Variants in PSMC5 observed in about 807,000 individuals in gnomAD.
PSMC5 encodes 26S proteasome regulatory subunit 8.
In PSMC5, 11 loss-of-function variants were observed where a neutral mutation model predicts 49.1. That is an observed-to-expected ratio of 0.22 (90% CI 0.14 to 0.37). PSMC5 has a LOEUF of 0.37. Ranked by LOEUF, PSMC5 falls within the 10% of genes least tolerant of loss-of-function variation. PSMC5 has a pLI of 1.00. For missense variants in PSMC5, 229 were observed against 520.9 expected, an observed-to-expected ratio of 0.44 and a Z score of 5.45; for synonymous variants, 206 against 192.2, an observed-to-expected ratio of 1.07 and a Z score of -0.59.
rs754834783 is a variant in PSMC5, at chr17:63,831,526, G to C, written c.990G>C (p.Lys330Asn). 1.2e-6 allele frequency: 2 copies of C among 1,614,150 alleles called. No individual in the cohort carries two copies. The highest frequency in any genetic ancestry group is 1.7e-6 in the Non-Finnish European group (2 of 1,180,040). Reference protein sequence around the residue: ...PNEEARLDILKIHSRKMNLTR... With the variant: ...PNEEARLDILNIHSRKMNLTR... Reference sequence around the variant, plus strand: ...TCCAGGCCCGGCTGGACATTTTGAAGATTCATTCTCGGAAGATGAACCTGA... The same window carrying C: ...TCCAGGCCCGGCTGGACATTTTGAACATTCATTCTCGGAAGATGAACCTGA... The change falls in exon 10 of 12, where the codon AAG becomes AAC. Residue 330 changes from lysine to asparagine, a missense_variant. Lys to Asn is a moderately conservative substitution (Grantham distance 94, BLOSUM62 0). Transcript: ENST00000310144. This position sits in a 1 kb window ranked among gnomAD's most constrained non-coding sequence, Gnocchi z 6.3.
chr17:63,829,601 TTGTC>T, intron 3 of PSMC5, 38 bp downstream of exon 3: 2 of 1,542,166 alleles, frequency 1.3e-6, no homozygotes, highest in Non-Finnish European at 1.8e-6. Context: ...TGTGGGCAGT[TTGTC>T]TGAGGTCTGT....
chr17:63,829,552 T>G lies in PSMC5; in HGVS notation c.155T>G (p.Leu52Arg). 6.4e-7 allele frequency: 1 copy of G among 1,554,494 alleles called. No individual in the cohort carries two copies. The part of the protein sequence containing the change: ...LRRLQAQRNE[L>R]NAKVRLLREE... Reference sequence around the variant, plus strand: ...AGGCTGCAGGCACAGAGGAACGAACTAAATGCTAAAGGTGAGTGGAGAAAG... The same window carrying G: ...AGGCTGCAGGCACAGAGGAACGAACGAAATGCTAAAGGTGAGTGGAGAAAG... Residue 52 changes from leucine to arginine, a missense_variant, in exon 3 of 12, where the codon CTA becomes CGA. Physicochemically the swap from Leu to Arg is moderately radical, Grantham distance 102 (BLOSUM62 -2). Coordinates refer to ENST00000310144, the MANE Select transcript of PSMC5 (RefSeq NM_002805.6).
intron 1 of PSMC5, chr17:63,827,929 C>G: frequency 7.4e-7 from 1 of 1,346,964 alleles, no homozygotes. Context: ...ATGAGGTAGG[C>G]GGCGTTCCCA....
rs750159911 is a variant in PSMC5 at position 63,831,426 on chromosome 17, G to A, written c.969+1G>A. On this transcript the variant is annotated splice_donor_variant, in intron 9 of 11. Transcript: ENST00000310144. LOFTEE classifies it high-confidence loss of function. The surrounding 1 kb of genome is among the most constrained non-coding windows in gnomAD (Gnocchi z 6.3). ...TGAATTCCCACCCCCCAATGAGGAG[G>A]TTTGTGATGGACACTGTGCAAAGTG... 6.2e-7 allele frequency: 1 copy of A among 1,613,818 alleles called. No individual in the cohort carries two copies. Among genetic ancestry groups the A allele is most frequent in the African/African-American group, 1.3e-5 (1 of 75,036 alleles).
chr17:63,827,941 T>C (rs1598352883), intron 1 of PSMC5, 197 bp from the exon 2 acceptor site: 1 of 1,321,262 alleles, frequency 7.6e-7, no homozygotes, highest in South Asian at 1.5e-5. Flanking sequence ...GCGTTCCCAT[T>C]CTTTTATTTT....
At position 63,830,782 on chromosome 17, in the gene PSMC5, G is replaced by A. The variant is rs958387934; in HGVS notation, c.553-27G>A. On this transcript the variant is annotated intron_variant, in intron 6 of 11. Coordinates refer to ENST00000310144, the MANE Select transcript of PSMC5 (RefSeq NM_002805.6). The surrounding 1 kb of genome is among the most constrained non-coding windows in gnomAD (Gnocchi z 4.0). The stretch of plus-strand genomic sequence containing the variant: ...AATGAAATGAGGGGTGTAGCTTTCT[G>A]CCCTGAGTCCTGCTGTTCCCCTGTA... The A allele has an allele frequency of 6.2e-7, 1 of 1,613,150 alleles. No homozygotes were observed. The highest frequency in any genetic ancestry group is 8.5e-7 in the Non-Finnish European group (1 of 1,179,614).
rs1031304573 is a variant in PSMC5 at position 63,831,419 on chromosome 17, T to C, written c.963T>C (p.Asn321=). The part of the protein sequence containing the change: ...IDRKIEFPPP[N]EEARLDILKI... ...GAAAAATTGAATTCCCACCCCCCAATGAGGAGGTTTGTGATGGACACTGTG... is the reference window on the plus strand; with the variant it reads ...GAAAAATTGAATTCCCACCCCCCAACGAGGAGGTTTGTGATGGACACTGTG... Residue 321 remains asparagine, a synonymous_variant, in exon 9 of 12, where the codon AAT becomes AAC. Transcript: ENST00000310144. The surrounding 1 kb of genome is among the most constrained non-coding windows in gnomAD (Gnocchi z 6.3). The C allele has an allele frequency of 8.1e-6, 13 of 1,613,546 alleles. No homozygotes were observed. Among genetic ancestry groups the C allele is most frequent in the East Asian group, 2.2e-5 (1 of 44,862 alleles).
Position 63,829,952 on chromosome 17 carries a change from A to G in PSMC5, c.264+3A>G. ...ATAAGAAGAAAGTGTTGGTCAAGGTAAAAGCAGCATGACCCCAGGGACCAG... is the reference window on the plus strand; with the variant it reads ...ATAAGAAGAAAGTGTTGGTCAAGGTGAAAGCAGCATGACCCCAGGGACCAG... On this transcript the variant is annotated splice_donor_region_variant and intron_variant, in intron 4 of 11. Transcript: ENST00000310144. 6.2e-7 allele frequency: 1 copy of G among 1,606,930 alleles called. No homozygotes were observed. The highest frequency in any genetic ancestry group is 8.5e-7 in the Non-Finnish European group (1 of 1,176,332).
rs1268343875 is a variant in PSMC5 at position 63,827,459 on chromosome 17, C to T, written c.-32C>T. 5 of 1,551,706 alleles carry T rather than the reference C, an allele frequency of 3.2e-6. No individual in the cohort carries two copies. Among genetic ancestry groups the T allele is most frequent in the Admixed American group, 3.9e-5 (2 of 51,010 alleles). ...TCCGCGCTTGCGCGCCAAGACGGCT[C>T]GGATGCCGGCGGTCTCTGCTGAAGA... is the stretch of plus-strand genomic sequence containing the variant. On this transcript the variant is annotated 5_prime_UTR_variant, in exon 1 of 12. Transcript: ENST00000310144.
chr17:63,829,727 A>G, intron 3 of PSMC5, 125 bp from the exon 4 acceptor site: 1 of 1,247,620 alleles, frequency 8.0e-7, no homozygotes, highest in South Asian at 1.3e-5. Context: ...AGCCTCCTTA[A>G]ATACATGAAT....
Position 63,827,455 on chromosome 17 carries a change from G to C in PSMC5, c.-36G>C, listed in dbSNP as rs1002537783. 4.5e-6 allele frequency: 7 copies of C among 1,551,634 alleles called. No homozygotes were observed. The highest frequency in any genetic ancestry group is 6.1e-6 in the Non-Finnish European group (7 of 1,147,014). On this transcript the variant is annotated 5_prime_UTR_variant, in exon 1 of 12. Transcript: ENST00000310144. ...CGCTTCCGCGCTTGCGCGCCAAGAC[G>C]GCTCGGATGCCGGCGGTCTCTGCTG...
Position 63,830,255 on chromosome 17 carries a change from C to G in PSMC5, c.322-16C>G, listed in dbSNP as rs756814483. On this transcript the variant is annotated splice_polypyrimidine_tract_variant and intron_variant, in intron 5 of 11. Coordinates refer to ENST00000310144, the MANE Select transcript of PSMC5 (RefSeq NM_002805.6). The surrounding 1 kb of genome is among the most constrained non-coding windows in gnomAD (Gnocchi z 4.0). ...CTCTTACTGTACCACTTCTGAAACT[C>G]GCCCCCTTCACCCAGGTGACACCCA... The G allele has an allele frequency of 3.7e-6, 6 of 1,613,924 alleles. No homozygotes were observed. The highest frequency in any genetic ancestry group is 4.2e-6 in the Non-Finnish European group (5 of 1,180,004).
At chr17:63,827,803 C>T in intron 1 of PSMC5, 1 of 1,429,358 alleles carries the variant, frequency 7.0e-7, no homozygotes, top group Non-Finnish European at 9.1e-7. Flanking sequence ...AGTCCTTTGG[C>T]TCCGTTCCGC....
rs761818702 is a variant in PSMC5 at position 63,830,187 on chromosome 17, G to T, written c.319G>T (p.Asp107Tyr). ...VDVDKNIDIN[D>Y]VTPNCRVALR... ...CGTGGACAAAAACATTGACATCAAT[G>T]ATGTGAGTGTAGCAGGTGAGGTGGT... Residue 107 changes from aspartate to tyrosine, a missense_variant and splice_region_variant, in exon 5 of 12, where the codon GAT becomes TAT. This residue lies in a region of PSMC5 where 98 missense variants were observed against 144.0 expected (regional missense o/e 0.68). Coordinates refer to ENST00000310144, the MANE Select transcript of PSMC5 (RefSeq NM_002805.6). The surrounding 1 kb of genome is among the most constrained non-coding windows in gnomAD (Gnocchi z 4.0). 2.5e-6 allele frequency: 4 copies of T among 1,614,190 alleles called. No homozygotes were observed. Among genetic ancestry groups the T allele is most frequent in the Non-Finnish European group, 3.4e-6 (4 of 1,180,030 alleles).
intron 2 of PSMC5, chr17:63,828,970 G>A (rs966707198): frequency 6.5e-6 from 1 of 153,734 alleles, no homozygotes; most frequent in Non-Finnish European, 1.4e-5. Context: ...AAGTGCATTT[G>A]CAGGTATTAT....
In PSMC5 at chr17:63,831,645, C is replaced by T. The variant is rs776808018; in HGVS notation, c.1080+29C>T. 2 of 1,612,990 alleles carry T rather than the reference C, an allele frequency of 1.2e-6. No homozygotes were observed. The highest frequency in any genetic ancestry group is 2.2e-5 in the South Asian group (2 of 91,054). On this transcript the variant is annotated intron_variant, in intron 10 of 11. Coordinates refer to ENST00000310144, the MANE Select transcript of PSMC5 (RefSeq NM_002805.6). This position sits in a 1 kb window ranked among gnomAD's most constrained non-coding sequence, Gnocchi z 6.3. Reference sequence around the variant, plus strand: ...ATTGGAGTACCCACTGAAAACAGGGCAGAGGCAGGAAGCTCTGGGCTCAAG... The same window carrying T: ...ATTGGAGTACCCACTGAAAACAGGGTAGAGGCAGGAAGCTCTGGGCTCAAG...
Position 63,827,442 on chromosome 17 carries a change from T to G in PSMC5, c.-49T>G. 1 of 1,551,676 alleles carries G rather than the reference T, an allele frequency of 6.4e-7. No homozygotes were observed. Among genetic ancestry groups the G allele is most frequent in the Non-Finnish European group, 8.7e-7 (1 of 1,146,970 alleles). On this transcript the variant is annotated 5_prime_UTR_variant, in exon 1 of 12. Transcript: ENST00000310144. Reference sequence around the variant, plus strand: ...GGTCCCAATCCTCCGCTTCCGCGCTTGCGCGCCAAGACGGCTCGGATGCCG... The same window carrying G: ...GGTCCCAATCCTCCGCTTCCGCGCTGGCGCGCCAAGACGGCTCGGATGCCG...
rs1480540153 is a variant in PSMC5 at position 63,831,479 on chromosome 17, G to A, written c.970-27G>A. On this transcript the variant is annotated intron_variant, in intron 9 of 11. Coordinates refer to ENST00000310144, the MANE Select transcript of PSMC5 (RefSeq NM_002805.6). This position sits in a 1 kb window ranked among gnomAD's most constrained non-coding sequence, Gnocchi z 6.3. ...TCTGGCTGTGGGGGTGGGGTGTGGGGCTCAGGCTTTTCCTTGCCATCTCCA... is the reference window on the plus strand; with the variant it reads ...TCTGGCTGTGGGGGTGGGGTGTGGGACTCAGGCTTTTCCTTGCCATCTCCA... 2.5e-6 allele frequency: 4 copies of A among 1,613,166 alleles called. No homozygotes were observed. The highest frequency in any genetic ancestry group is 3.4e-6 in the Non-Finnish European group (4 of 1,179,184).
Position 63,831,543 on chromosome 17 carries a change from T to C in PSMC5, c.1007T>C (p.Met336Thr). The C allele has an allele frequency of 1.2e-6, 2 of 1,614,088 alleles. No individual in the cohort carries two copies. The highest frequency in any genetic ancestry group is 1.7e-6 in the Non-Finnish European group (2 of 1,180,028). The change falls in exon 10 of 12, where the codon ATG (methionine) becomes ACG (threonine). Residue 336 changes from methionine (M) to threonine (T), a missense_variant. Met to Thr is a moderately conservative substitution (Grantham distance 81, BLOSUM62 -1). Coordinates refer to ENST00000310144, the MANE Select transcript of PSMC5 (RefSeq NM_002805.6). This position sits in a 1 kb window ranked among gnomAD's most constrained non-coding sequence, Gnocchi z 6.3. Reference protein sequence around the residue: ...LDILKIHSRKMNLTRGINLRK... With the variant: ...LDILKIHSRKTNLTRGINLRK... ...ATTTTGAAGATTCATTCTCGGAAGA[T>C]GAACCTGACCCGGGGGATCAACCTG...
Sources: gnomAD v4.1 joint callset for allele counts on GRCh38, gnomAD v4.1.1 for gene constraint, gnomAD v4.1.1 regional missense constraint, Gnocchi (gnomAD v3.1) non-coding constraint, MANE v1.5 for transcripts, NCBI Gene and HGNC (gene_info 2026-07-23, HGNC 2026-07-21) for gene names.